RARB: variants seen among roughly 807,000 people sequenced by gnomAD.
RARB encodes HBV-activated protein.
Under a neutral mutation model 51.9 loss-of-function variants are expected in RARB, and 17 were observed. That is an observed-to-expected ratio of 0.33 (90% CI 0.22 to 0.49). The LOEUF is 0.49. Among genes scored for constraint, RARB ranks in the 20% least tolerant of loss-of-function variants. The probability of loss-of-function intolerance (pLI) is 0.99; values close to 1 mark genes in which losing one functional copy is unlikely to be tolerated. For missense variants in RARB, 369 were observed against 550.8 expected (o/e 0.67, Z 3.30); for synonymous variants, 215 against 195.4 (o/e 1.10, Z -0.84).
intron 5 of RARB, among the ~76,000 whole-genome samples, chr3:25,328,302 C>G (rs1427688480): frequency 6.6e-6 from 1 of 152,228 alleles, no homozygotes; most frequent in Non-Finnish European, 1.5e-5. Context: ...GGCGGATCAC[C>G]TCAGGTGAGG....
At chr3:25,207,904 A>T (rs184636344) in intron 5 of RARB, among the ~76,000 whole-genome samples, 8 of 152,284 alleles carry the variant, frequency 5.3e-5, no homozygotes, top group African/African-American at 1.4e-4. Flanking sequence ...AGGTTGTACA[A>T]GCGTGGTGCT....
intron 5 of RARB, among the ~76,000 whole-genome samples, chr3:25,339,673 G>A (rs1427254723): frequency 1.3e-5 from 2 of 151,084 alleles, no homozygotes; most frequent in Non-Finnish European, 2.9e-5. Flanking sequence ...CACCCACAAA[G>A]GCACAGGGAT....
intron 5 of RARB, among the ~76,000 whole-genome samples, chr3:25,295,136 A>G (rs1703886998): frequency 6.6e-6 from 1 of 152,214 alleles, no homozygotes; most frequent in South Asian, 2.1e-4. Flanking sequence ...GTTAAGAGCA[A>G]GAGCTCTTAA....
intron 3 of RARB, among the ~76,000 whole-genome samples, chr3:25,516,262 C>G (rs931037707): frequency 1.3e-5 from 2 of 152,046 alleles, no homozygotes; most frequent in African/African-American, 4.8e-5. Flanking sequence ...TTTTACCCAT[C>G]AGATAATAAA....
chr3:25,527,724 TG>T (rs1490542706), intron 3 of RARB, among the ~76,000 whole-genome samples: 2 of 152,226 alleles, frequency 1.3e-5, no homozygotes, highest in East Asian at 3.9e-4. Flanking sequence ...TAGATGCTCT[TG>T]GCATTCCTCT....
chr3:24,934,256 C>A (rs1257973131), intron 2 of RARB, among the ~76,000 whole-genome samples: 4 of 152,038 alleles, frequency 2.6e-5, no homozygotes, highest in Non-Finnish European at 5.9e-5. Flanking sequence ...CATGCTTTTC[C>A]AGTTGTTAGT....
At chr3:24,899,972 T>G (rs183583467) in intron 2 of RARB, among the ~76,000 whole-genome samples, 7 of 152,340 alleles carry the variant, frequency 4.6e-5, no homozygotes, top group Admixed American at 3.3e-4. Context: ...ACATTTATAT[T>G]GCAAGACATT....
chr3:25,040,603 C>T (rs1575131698), intron 2 of RARB, among the ~76,000 whole-genome samples: 3 of 152,044 alleles, frequency 2.0e-5, no homozygotes, highest in Admixed American at 2.0e-4. Context: ...CATGGTGGTG[C>T]ATGCCTATTG....
chr3:25,403,956 C>T (rs566075926), intron 5 of RARB, among the ~76,000 whole-genome samples: 15 of 148,346 alleles, frequency 1.0e-4, no homozygotes, highest in Admixed American at 6.1e-4. Flanking sequence ...CCAAAGCTTC[C>T]CTAATAACTT....
intron 3 of RARB, among the ~76,000 whole-genome samples, chr3:25,118,272 G>C (rs778792681): frequency 6.6e-6 from 1 of 152,062 alleles, no homozygotes. Context: ...AAAATTAATG[G>C]AAAATCAATG....
Position 25,158,192 on chromosome 3 carries a change from A to G in RARB, c.-279-15927A>G, listed in dbSNP as rs567339634. Among the ~76,000 whole-genome samples, 20 of 152,290 alleles carry G rather than the reference A, an allele frequency of 1.3e-4. No homozygotes were observed. The East Asian group carries it at 3.3e-3, about 25-fold the overall frequency. ...TGTTTCCTTACAAACTTTCCTTCCCATATCTTTATCCTGGGGACTGGCTAC... is the reference window on the plus strand; with the variant it reads ...TGTTTCCTTACAAACTTTCCTTCCCGTATCTTTATCCTGGGGACTGGCTAC... On this transcript the variant is annotated intron_variant, in intron 4 of 11. Coordinates refer to the RARB transcript ENST00000383772.
chr3:25,089,487 A>C (rs368654996), intron 3 of RARB, among the ~76,000 whole-genome samples: 973 of 32,790 alleles, frequency 0.03, 13 homozygotes, highest in South Asian at 0.11. Context: ...CAATCATCCC[A>C]AAAAAAAGTC....
intron 2 of RARB, among the ~76,000 whole-genome samples, chr3:24,871,200 A>G (rs1489994021): frequency 6.6e-6 from 1 of 152,144 alleles, no homozygotes; most frequent in Non-Finnish European, 1.5e-5. Flanking sequence ...TTATACAGTA[A>G]CACCTTATTA....
intron 5 of RARB, among the ~76,000 whole-genome samples, chr3:25,190,664 A>G (rs720822): frequency 0.47 from 71,863 of 151,888 alleles, 17,731 homozygotes; most frequent in East Asian, 0.71. Flanking sequence ...ACAGTTTTCT[A>G]GTTTCAAATG....
chr3:25,142,203 G>A (rs536676210), intron 4 of RARB, among the ~76,000 whole-genome samples: 7 of 152,198 alleles, frequency 4.6e-5, no homozygotes, highest in South Asian at 2.1e-4. Context: ...GCATGGTGGC[G>A]GGCACCTGTA....
intron 2 of RARB, among the ~76,000 whole-genome samples, chr3:24,864,157 T>A (rs1702806369): frequency 1.3e-5 from 2 of 152,352 alleles, no homozygotes; most frequent in Non-Finnish European, 2.9e-5. Flanking sequence ...ACTGTGAGCA[T>A]GCACACAGTC....
At chr3:24,883,913 C>G (rs917576573) in intron 2 of RARB, among the ~76,000 whole-genome samples, 6 of 152,054 alleles carry the variant, frequency 3.9e-5, no homozygotes, top group Non-Finnish European at 8.8e-5. Context: ...ATTTTAGGCT[C>G]TATGTGGTTA....
intron 3 of RARB, among the ~76,000 whole-genome samples, chr3:25,515,581 A>T (rs191293956): frequency 1.3e-5 from 2 of 152,340 alleles, no homozygotes; most frequent in African/African-American, 4.8e-5. Flanking sequence ...TATTCAAATC[A>T]TGGAATATGC....
intron 2 of RARB, among the ~76,000 whole-genome samples, chr3:25,010,309 T>C (rs972006752): frequency 6.6e-6 from 1 of 152,088 alleles, no homozygotes; most frequent in African/African-American, 2.4e-5. Flanking sequence ...TAGTACAAAT[T>C]ATAAGAATTT....
Sources: gnomAD v4.1 joint callset for allele counts (sites outside exome capture counted in the v4.1 genomes callset) on GRCh38, gnomAD v4.1.1 for gene constraint, MANE v1.5 for transcripts, NCBI Gene and HGNC (gene_info 2026-07-23, HGNC 2026-07-21) for gene names.